The following NCAM1 variants were observed in gnomAD, a reference collection of about 807,000 sequenced individuals.
NCAM1 encodes neural cell adhesion molecule 1.
A neutral mutation model predicts 109.8 loss-of-function variants in NCAM1; 14 were observed. The observed-to-expected ratio is 0.13, with a 90% CI of 0.08 to 0.20. NCAM1 has a LOEUF of 0.20. NCAM1 is among the 10% of genes least tolerant of loss of function. NCAM1 has a pLI of 1.00. For missense variants in NCAM1, 774 were observed against 1,109.9 expected (o/e 0.70, Z 4.30); for synonymous variants, 418 against 442.9 (o/e 0.94, Z 0.70).
chr11:113,000,098 G>T (rs1252184869), intron 1 of NCAM1, among the ~76,000 whole-genome samples: 2 of 152,144 alleles, frequency 1.3e-5, no homozygotes, highest in Non-Finnish European at 1.5e-5. Context: ...TGATTAATTA[G>T]CTATGACCTC....
intron 1 of NCAM1, among the ~76,000 whole-genome samples, chr11:113,116,614 G>A (rs1555094940): frequency 6.6e-6 from 1 of 152,146 alleles, no homozygotes; most frequent in African/African-American, 2.4e-5. Flanking sequence ...TTTTCTATGG[G>A]TTTGTCCTGT....
intron 1 of NCAM1, among the ~76,000 whole-genome samples, chr11:112,968,706 AG>A (rs1183679628): frequency 6.6e-6 from 1 of 152,220 alleles, no homozygotes; most frequent in Non-Finnish European, 1.5e-5. Flanking sequence ...TTCAAGTCTA[AG>A]AAAAACCCAG....
chr11:113,087,719 C>A (rs1486318161), intron 1 of NCAM1, among the ~76,000 whole-genome samples: 1 of 152,170 alleles, frequency 6.6e-6, no homozygotes, highest in Non-Finnish European at 1.5e-5. Flanking sequence ...GGCTTCATAG[C>A]ATAGTTCTCT....
intron 1 of NCAM1, among the ~76,000 whole-genome samples, chr11:113,117,485 C>T (rs1390702636): frequency 6.6e-6 from 1 of 151,946 alleles, no homozygotes; most frequent in African/African-American, 2.4e-5. Flanking sequence ...CTCAGACCAA[C>T]TATTTGTGTT....
intron 14 of NCAM1, among the ~76,000 whole-genome samples, chr11:113,237,506 A>G (rs1037917832): frequency 1.3e-5 from 2 of 152,172 alleles, no homozygotes; most frequent in Admixed American, 1.3e-4. Flanking sequence ...GAGTTGGGGG[A>G]TGGAGCCTTC....
At chr11:113,020,622 G>T (rs933374602) in intron 1 of NCAM1, among the ~76,000 whole-genome samples, 5 of 152,170 alleles carry the variant, frequency 3.3e-5, no homozygotes, top group South Asian at 2.1e-4. Flanking sequence ...AACATAGTTT[G>T]CTTCCAGAAG....
chr11:113,171,098 CTTAT>C (rs1942974421), intron 1 of NCAM1, among the ~76,000 whole-genome samples: 1 of 152,120 alleles, frequency 6.6e-6, no homozygotes, highest in African/African-American at 2.4e-5. Context: ...AGGCTGTGAC[CTTAT>C]TTATTCATGT....
rs565793032 is a variant in NCAM1, at chr11:113,024,378, T to G, written c.52+62714T>G. Reference sequence around the variant, plus strand: ...TTTATATTTTAGGTATTTTTTACTCTCTCATTTACTATTCACCCATTTTTG... The same window carrying G: ...TTTATATTTTAGGTATTTTTTACTCGCTCATTTACTATTCACCCATTTTTG... On this transcript the variant is annotated intron_variant, in intron 1 of 19. Coordinates refer to ENST00000316851, the MANE Select transcript of NCAM1 (RefSeq NM_181351.5). Among the ~76,000 whole-genome samples the G allele has an allele frequency of 3.3e-5, 5 of 152,326 alleles. No homozygotes were observed. The South Asian group carries it at 1.0e-3, about 32-fold the overall frequency.
At chr11:113,243,241 GA>G (rs1945391265) in intron 14 of NCAM1, among the ~76,000 whole-genome samples, 1 of 152,242 alleles carries the variant, frequency 6.6e-6, no homozygotes, top group Non-Finnish European at 1.5e-5. Flanking sequence ...GTAGCAAAAA[GA>G]CTGAGAGCGA....
Position 113,274,590 on chromosome 11 carries a change from C to T in NCAM1, c.2457-677C>T, listed in dbSNP as rs1195028917. On this transcript the variant is annotated intron_variant, in intron 19 of 19. Coordinates refer to ENST00000316851, the MANE Select transcript of NCAM1 (RefSeq NM_181351.5). The surrounding 1 kb of genome is among the most constrained non-coding windows in gnomAD (Gnocchi z 4.1). Reference sequence around the variant, plus strand: ...TCTCGCCAGGAGCCCTGAATCTCAGCATCGGGAGGGAAAAGGACTCTGATA... The same window carrying T: ...TCTCGCCAGGAGCCCTGAATCTCAGTATCGGGAGGGAAAAGGACTCTGATA... 6.6e-6 allele frequency among the ~76,000 whole-genome samples: 1 copy of T among 152,218 alleles called. No homozygotes were observed. The highest frequency in any genetic ancestry group is 1.5e-5 in the Non-Finnish European group (1 of 68,036).
At chr11:113,009,087 G>T (rs1333818874) in intron 1 of NCAM1, among the ~76,000 whole-genome samples, 2 of 152,112 alleles carry the variant, frequency 1.3e-5, no homozygotes, top group Admixed American at 1.3e-4. Flanking sequence ...GAGAAACTGA[G>T]CCTTGAACTC....
intron 16 of NCAM1, among the ~76,000 whole-genome samples, chr11:113,256,463 G>A (rs1172935255): frequency 6.6e-6 from 1 of 152,192 alleles, no homozygotes; most frequent in Non-Finnish European, 1.5e-5. Flanking sequence ...TACAGATGAA[G>A]TAAGTGGGTG....
At chr11:113,164,808 G>A (rs1436346507) in intron 1 of NCAM1, among the ~76,000 whole-genome samples, 1 of 152,010 alleles carries the variant, frequency 6.6e-6, no homozygotes, top group Non-Finnish European at 1.5e-5. Context: ...ACGTAGGCAG[G>A]ATCCATTATT....
intron 1 of NCAM1, among the ~76,000 whole-genome samples, chr11:112,998,920 C>T (rs1371398995): frequency 2.0e-5 from 3 of 152,102 alleles, no homozygotes; most frequent in Non-Finnish European, 4.4e-5. Flanking sequence ...AAAGAGTTTC[C>T]TCTATACTTC....
At chr11:113,120,305 C>T (rs1340445227) in intron 1 of NCAM1, among the ~76,000 whole-genome samples, 2 of 152,182 alleles carry the variant, frequency 1.3e-5, no homozygotes, top group East Asian at 3.8e-4. Flanking sequence ...TAAAAGTGAA[C>T]TCATTTTGCA....
chr11:113,071,242 T>C (rs1456021199), intron 1 of NCAM1, among the ~76,000 whole-genome samples: 2 of 152,136 alleles, frequency 1.3e-5, no homozygotes, highest in African/African-American at 4.8e-5. Context: ...TATCCAAATT[T>C]AAGATTACAG....
At chr11:113,104,355 CT>C (rs2045527039) in intron 1 of NCAM1, among the ~76,000 whole-genome samples, 1 of 151,092 alleles carries the variant, frequency 6.6e-6, no homozygotes, top group East Asian at 1.9e-4. Flanking sequence ...TCTGAGGCTG[CT>C]TCTGAGGCTT....
intron 7 of NCAM1, among the ~76,000 whole-genome samples, chr11:113,210,485 C>G (rs1331358661): frequency 6.6e-6 from 1 of 152,112 alleles, no homozygotes; most frequent in East Asian, 1.9e-4. Flanking sequence ...GTGGGAGTGT[C>G]TGGCAATACT....
At chr11:113,231,383 G>C (rs923630552) in intron 9 of NCAM1, 2 of 1,281,930 alleles carry the variant, frequency 1.6e-6, no homozygotes, top group African/African-American at 3.0e-5. Flanking sequence ...AACCAATCTT[G>C]GTACTTAGAT....
Sources: gnomAD v4.1 joint callset for allele counts (sites outside exome capture counted in the v4.1 genomes callset) on GRCh38, gnomAD v4.1.1 for gene constraint, Gnocchi (gnomAD v3.1) non-coding constraint, MANE v1.5 for transcripts, NCBI Gene and HGNC (gene_info 2026-07-23, HGNC 2026-07-21) for gene names.